The following IGF1R variants were observed in gnomAD, a reference collection of about 807,000 sequenced individuals.
IGF1R encodes insulin-like growth factor 1 receptor.
In IGF1R, 44 loss-of-function variants were observed where a neutral mutation model predicts 144.6. The ratio of observed to expected loss-of-function variants is 0.30; its 90% confidence interval spans 0.24 to 0.39. The LOEUF is 0.39. IGF1R is among the 10% of genes least tolerant of loss of function. The pLI, the probability that IGF1R is intolerant of heterozygous loss-of-function variation, is 1.00. For missense variants in IGF1R, 1,355 were observed against 1,833.7 expected (o/e 0.74, Z 4.77); for synonymous variants, 795 against 722.8 (o/e 1.10, Z -1.60).
chr15:98,708,056 A>G lies in IGF1R; in HGVS notation c.589A>G (p.Ile197Val). The G allele has an allele frequency of 1.2e-6, 2 of 1,614,112 alleles. No homozygotes were observed. ...EEKPMCEKTT[I>V]NNEYNYRCWT... ...GAAGCCGATGTGTGAGAAGACCACCATCAACAATGAGTACAACTACCGCTG... is the reference window on the plus strand; with the variant it reads ...GAAGCCGATGTGTGAGAAGACCACCGTCAACAATGAGTACAACTACCGCTG... Residue 197 changes from isoleucine (I) to valine (V), a missense_variant, in exon 2 of 21, where the codon ATC becomes GTC. By Grantham distance (29) the Ile-to-Val change is conservative. This residue lies in a region of IGF1R where 880 missense variants were observed against 1,202.7 expected (regional missense o/e 0.73). Coordinates refer to ENST00000650285, the MANE Select transcript of IGF1R (RefSeq NM_000875.5).
intron 2 of IGF1R, among the ~76,000 whole-genome samples, chr15:98,862,304 C>A (rs2012200527): frequency 6.6e-6 from 1 of 152,216 alleles, no homozygotes; most frequent in Admixed American, 6.5e-5. Context: ...TCACAAGGAT[C>A]CAGGAGAGTC....
chr15:98,869,454 G>A (rs1025075405), intron 2 of IGF1R, among the ~76,000 whole-genome samples: 114 of 95,740 alleles, frequency 1.2e-3, no homozygotes, highest in Middle Eastern at 5.6e-3. Flanking sequence ...TTTTTTTTTA[G>A]ACGGCGTTTC....
intron 2 of IGF1R, among the ~76,000 whole-genome samples, chr15:98,745,169 A>G (rs1421297930): frequency 6.6e-6 from 1 of 152,256 alleles, no homozygotes; most frequent in East Asian, 1.9e-4. Context: ...AAGTAAAGCA[A>G]CAGTATCTGT....
intron 2 of IGF1R, among the ~76,000 whole-genome samples, chr15:98,842,867 C>G (rs1773312913): frequency 6.6e-6 from 1 of 152,188 alleles, no homozygotes; most frequent in Admixed American, 6.5e-5. Context: ...GACTCGTTCA[C>G]TTTGGCAGTG....
chr15:98,712,134 C>G (rs556757964), intron 2 of IGF1R, among the ~76,000 whole-genome samples: 2 of 152,120 alleles, frequency 1.3e-5, no homozygotes, highest in Non-Finnish European at 2.9e-5. Context: ...GTCCTGGGCT[C>G]TCTTTTCACT....
intron 2 of IGF1R, among the ~76,000 whole-genome samples, chr15:98,810,916 G>A (rs1441003818): frequency 6.6e-6 from 1 of 152,142 alleles, no homozygotes; most frequent in Non-Finnish European, 1.5e-5. Flanking sequence ...CATCTGGCCT[G>A]CCACACCTGT....
intron 20 of IGF1R, among the ~76,000 whole-genome samples, chr15:98,956,590 G>A (rs889056518): frequency 3.9e-5 from 6 of 152,214 alleles, no homozygotes; most frequent in African/African-American, 4.8e-5. Flanking sequence ...GGTGGGAACC[G>A]GAGAGAGAGC....
intron 2 of IGF1R, among the ~76,000 whole-genome samples, chr15:98,871,711 A>G (rs941265239): frequency 6.6e-6 from 1 of 152,220 alleles, no homozygotes; most frequent in Non-Finnish European, 1.5e-5. Flanking sequence ...TTTAAAAACC[A>G]TCAGATCTTG....
At chr15:98,765,321 T>C (rs1037425934) in intron 2 of IGF1R, among the ~76,000 whole-genome samples, 1 of 138,482 alleles carries the variant, frequency 7.2e-6, no homozygotes, top group Non-Finnish European at 1.6e-5. Context: ...TTTTTTTTTT[T>C]TTTTTTTTTT....
chr15:98,921,059 C>G (rs1052576671), intron 10 of IGF1R, among the ~76,000 whole-genome samples: 1 of 152,218 alleles, frequency 6.6e-6, no homozygotes, highest in African/African-American at 2.4e-5. Flanking sequence ...TGGACTTTCT[C>G]ATTTCCCTGG....
At chr15:98,654,005 C>G (rs1050151667) in intron 1 of IGF1R, among the ~76,000 whole-genome samples, 1 of 152,248 alleles carries the variant, frequency 6.6e-6, no homozygotes. Flanking sequence ...GTGCATGAAC[C>G]TGCAGAGTCT....
At chr15:98,797,589 C>A (rs144350450) in intron 2 of IGF1R, among the ~76,000 whole-genome samples, 1 of 152,206 alleles carries the variant, frequency 6.6e-6, no homozygotes, top group Non-Finnish European at 1.5e-5. Flanking sequence ...ATTCCATGCA[C>A]ATGCACCTGC....
At chr15:98,708,441 AG>A (rs1215517620) in intron 2 of IGF1R, among the ~76,000 whole-genome samples, 1 of 152,236 alleles carries the variant, frequency 6.6e-6, no homozygotes, top group Non-Finnish European at 1.5e-5. Flanking sequence ...CTGATGAGAA[AG>A]GTGACCTGGT....
At chr15:98,737,088 T>C (rs2054629037) in intron 2 of IGF1R, among the ~76,000 whole-genome samples, 1 of 152,212 alleles carries the variant, frequency 6.6e-6, no homozygotes, top group South Asian at 2.1e-4. Context: ...GAGTTGAGTG[T>C]TTTGAGAGGG....
At chr15:98,743,622 T>C (rs935403719) in intron 2 of IGF1R, among the ~76,000 whole-genome samples, 2 of 152,002 alleles carry the variant, frequency 1.3e-5, no homozygotes, top group Non-Finnish European at 1.5e-5. Context: ...GCGGGCCACA[T>C]GGGGCCCCAG....
intron 13 of IGF1R, 89 bp downstream of exon 13, chr15:98,924,773 A>G: frequency 2.5e-6 from 3 of 1,209,572 alleles, no homozygotes; most frequent in South Asian, 2.5e-5. Context: ...TGGCTGTCTT[A>G]TTTTCTGTTA....
chr15:98,821,168 T>C (rs1474021735), intron 2 of IGF1R, among the ~76,000 whole-genome samples: 4 of 151,824 alleles, frequency 2.6e-5, no homozygotes, highest in Non-Finnish European at 5.9e-5. Flanking sequence ...CGTCCAAGAG[T>C]GTGTAAACAA....
intron 2 of IGF1R, among the ~76,000 whole-genome samples, chr15:98,837,615 A>G (rs1314446417): frequency 6.6e-6 from 1 of 150,950 alleles, no homozygotes; most frequent in Non-Finnish European, 1.5e-5. Flanking sequence ...CAGCCTCCCA[A>G]CCACAACTGG....
intron 2 of IGF1R, among the ~76,000 whole-genome samples, chr15:98,786,523 C>G (rs753332400): frequency 9.9e-5 from 15 of 152,198 alleles, no homozygotes; most frequent in Admixed American, 2.0e-4. Context: ...CTTTGTGCTC[C>G]TTTGCCTATT....
Sources: gnomAD v4.1 joint callset for allele counts (sites outside exome capture counted in the v4.1 genomes callset) on GRCh38, gnomAD v4.1.1 for gene constraint, gnomAD v4.1.1 regional missense constraint, MANE v1.5 for transcripts, NCBI Gene and HGNC (gene_info 2026-07-23, HGNC 2026-07-21) for gene names.